TEX9: variants seen among roughly 807,000 people sequenced by gnomAD.
The protein encoded by TEX9 is testis expressed 9, also known as testis-expressed protein 9.
TEX9 carries 74 observed loss-of-function variants against 59.6 expected under a neutral mutation model. The ratio of observed to expected loss-of-function variants is 1.24; its 90% CI spans 1.03 to 1.51. The LOEUF (loss-of-function observed/expected upper bound fraction) is 1.51, where lower values mean the gene tolerates loss of function less well. Ranked by LOEUF, TEX9 falls within the 40% of genes most tolerant of loss-of-function variation. The pLI, the probability that TEX9 is intolerant of heterozygous loss-of-function variation, is 0.00. For missense variants in TEX9, 522 were observed against 447.8 expected, an observed-to-expected ratio of 1.17 and a Z score of -1.49; for synonymous variants, 186 against 152.2, an observed-to-expected ratio of 1.22 and a Z score of -1.64.
intron 1 of TEX9, among the ~76,000 whole-genome samples, chr15:56,257,259 T>A (rs1430532266): frequency 6.6e-6 from 1 of 152,148 alleles, no homozygotes; most frequent in Non-Finnish European, 1.5e-5. Flanking sequence ...CATGTGCATA[T>A]GCTTTTATAA....
chr15:56,436,940 C>T (rs1425705642), intron 12 of TEX9, among the ~76,000 whole-genome samples: 2 of 152,084 alleles, frequency 1.3e-5, no homozygotes, highest in African/African-American at 4.8e-5. Flanking sequence ...ATAACAGGCT[C>T]TGAAATTGAG....
chr15:56,409,869 G>A (rs1424135221), intron 9 of TEX9: 1 of 152,266 alleles, frequency 6.6e-6, no homozygotes, highest in South Asian at 2.1e-4. Context: ...ATTTTAAATA[G>A]TTTTACCCTT....
intron 12 of TEX9, among the ~76,000 whole-genome samples, chr15:56,438,330 C>T (rs1596257624): frequency 6.6e-6 from 1 of 150,880 alleles, no homozygotes. Context: ...CAACCATCTG[C>T]TCTTTTTTTT....
chr15:56,343,941 GA>G (rs2046418549), intron 1 of TEX9, among the ~76,000 whole-genome samples: 1 of 152,056 alleles, frequency 6.6e-6, no homozygotes, highest in South Asian at 2.1e-4. Context: ...TAGCCATCAG[GA>G]AAATGCAAAT....
chr15:56,412,173 C>CGT (rs3217284), intron 9 of TEX9, 129 bp from the exon 10 acceptor site: 65,391 of 690,816 alleles, frequency 0.095, 1,604 homozygotes, highest in East Asian at 0.15. Context: ...TACCCCCAAG[C>CGT]GTGTGTGTGT....
At chr15:56,292,221 C>T (rs998846921) in intron 1 of TEX9, among the ~76,000 whole-genome samples, 1 of 152,106 alleles carries the variant, frequency 6.6e-6, no homozygotes, top group Non-Finnish European at 1.5e-5. Flanking sequence ...GTCTGTATTG[C>T]CAGGGGTGGC....
At chr15:56,315,136 T>G (rs2045722734) in intron 1 of TEX9, among the ~76,000 whole-genome samples, 1 of 148,292 alleles carries the variant, frequency 6.7e-6, no homozygotes, top group Non-Finnish European at 1.5e-5. Flanking sequence ...AATTGGAGAA[T>G]TTAGTCCATT....
At chr15:56,269,297 G>T (rs2044466064) in intron 1 of TEX9, among the ~76,000 whole-genome samples, 1 of 152,066 alleles carries the variant, frequency 6.6e-6, no homozygotes, top group South Asian at 2.1e-4. Context: ...ATTTTTTGAA[G>T]GGTTTTTTCG....
At chr15:56,340,466 T>G (rs2046351388) in intron 1 of TEX9, among the ~76,000 whole-genome samples, 1 of 152,210 alleles carries the variant, frequency 6.6e-6, no homozygotes, top group Non-Finnish European at 1.5e-5. Flanking sequence ...ACATAATTAG[T>G]TAACTGTTGA....
intron 12 of TEX9, among the ~76,000 whole-genome samples, chr15:56,445,376 A>G (rs1245202738): frequency 6.6e-6 from 1 of 152,058 alleles, no homozygotes; most frequent in Non-Finnish European, 1.5e-5. Flanking sequence ...TAAATGAAAT[A>G]TACTGAGGCA....
intron 3 of TEX9, among the ~76,000 whole-genome samples, chr15:56,379,095 AAAAAAAAG>A (rs2047602956): frequency 6.6e-6 from 1 of 151,462 alleles, no homozygotes; most frequent in Non-Finnish European, 1.5e-5. Context: ...GAAAGAAAGA[AAAAAAAAG>A]AAAAGAAAGA....
At chr15:56,444,940 CAATG>C (rs2050881881) in intron 12 of TEX9, among the ~76,000 whole-genome samples, 1 of 152,008 alleles carries the variant, frequency 6.6e-6, no homozygotes, top group South Asian at 2.1e-4. Flanking sequence ...ATTCAAAAAA[CAATG>C]AATACAATTG....
At chr15:56,340,060 G>C (rs1384592570) in intron 1 of TEX9, among the ~76,000 whole-genome samples, 1 of 152,126 alleles carries the variant, frequency 6.6e-6, no homozygotes, top group Non-Finnish European at 1.5e-5. Context: ...GTACCACTAA[G>C]CCTGTATCAT....
chr15:56,402,280 C>A (rs78357751), intron 9 of TEX9, among the ~76,000 whole-genome samples: 1 of 151,918 alleles, frequency 6.6e-6, no homozygotes, highest in Non-Finnish European at 1.5e-5. Flanking sequence ...ATCAAATAGA[C>A]GCAATAAAAA....
At chr15:56,254,826 CAA>C (rs2044106905) in intron 1 of TEX9, among the ~76,000 whole-genome samples, 1 of 151,088 alleles carries the variant, frequency 6.6e-6, no homozygotes, top group Admixed American at 6.6e-5. Flanking sequence ...CAATTATCCT[CAA>C]AGAGGTTCAA....
chr15:56,399,225 CTG>C (rs1157973460), intron 9 of TEX9, among the ~76,000 whole-genome samples: 1 of 152,178 alleles, frequency 6.6e-6, no homozygotes, highest in Non-Finnish European at 1.5e-5. Context: ...CCATGACAGA[CTG>C]TACCTGGAAA....
At chr15:56,321,321 A>T (rs1027148606) in intron 1 of TEX9, among the ~76,000 whole-genome samples, 2 of 152,196 alleles carry the variant, frequency 1.3e-5, no homozygotes, top group Non-Finnish European at 2.9e-5. Context: ...CAGGTTAAGA[A>T]GCAACTGGTT....
chr15:56,266,661 C>A (rs934925831), intron 1 of TEX9, among the ~76,000 whole-genome samples: 7 of 152,186 alleles, frequency 4.6e-5, no homozygotes, highest in South Asian at 2.1e-4. Context: ...TGAAGTCATC[C>A]TTTTTTATGG....
intron 1 of TEX9, among the ~76,000 whole-genome samples, chr15:56,321,577 G>A (rs568996025): frequency 6.6e-6 from 1 of 152,258 alleles, no homozygotes; most frequent in East Asian, 1.9e-4. Context: ...TATTGGGAAG[G>A]GAATTAGCAG....
Sources: gnomAD v4.1 joint callset for allele counts (sites outside exome capture counted in the v4.1 genomes callset) on GRCh38, gnomAD v4.1.1 for gene constraint, MANE v1.5 for transcripts, NCBI Gene and HGNC (gene_info 2026-07-23, HGNC 2026-07-21) for gene names.